COBLL1: variants seen among roughly 807,000 people sequenced by gnomAD.
The protein encoded by COBLL1 is cordon-bleu WH2 repeat protein like 1, also known as cordon-bleu protein-like 1.
Under a neutral mutation model 94.8 loss-of-function variants are expected in COBLL1, and 50 were observed. The ratio of observed to expected loss-of-function variants is 0.53; its 90% CI spans 0.42 to 0.67. The LOEUF is 0.67. Ranked by LOEUF, COBLL1 falls within the 30% of genes least tolerant of loss-of-function variation. COBLL1 has a pLI of 0.00. For missense variants in COBLL1, 1,362 were observed against 1,348.7 expected (o/e 1.01, Z -0.15); for synonymous variants, 448 against 473.8 (o/e 0.95, Z 0.71).
At chr2:164,795,733 C>A (rs933556176) in intron 2 of COBLL1, among the ~76,000 whole-genome samples, 7 of 152,030 alleles carry the variant, frequency 4.6e-5, no homozygotes, top group African/African-American at 1.7e-4. Flanking sequence ...TTAGAGAAAG[C>A]CCTGATAATA....
chr2:164,751,481 C>A (rs573405565), intron 2 of COBLL1, among the ~76,000 whole-genome samples: 1 of 151,078 alleles, frequency 6.6e-6, no homozygotes, highest in Non-Finnish European at 1.5e-5. Context: ...TGAGAGTCAA[C>A]CTGTTCTGTA....
At chr2:164,702,746 A>G (rs150493838) in intron 9 of COBLL1, among the ~76,000 whole-genome samples, 301 of 152,046 alleles carry the variant, frequency 2.0e-3, no homozygotes, top group African/African-American at 7.1e-3. Flanking sequence ...TCAGGGCTCA[A>G]GCAATCTTCC....
Position 164,728,105 on chromosome 2 carries a change from A to G in COBLL1, c.525T>C (p.Ile175=). The G allele has an allele frequency of 6.2e-7, 1 of 1,613,744 alleles. No individual in the cohort carries two copies. Among genetic ancestry groups the G allele is most frequent in the Non-Finnish European group, 8.5e-7 (1 of 1,179,676 alleles). The change falls in exon 5 of 14, where the codon ATT becomes ATC. Residue 175 remains isoleucine (I), a synonymous_variant. Coordinates refer to ENST00000652658, the MANE Select transcript of COBLL1 (RefSeq NM_001365672.2). ...PHASLQELAP[I]ICSKCEFDPL... is the part of the protein sequence containing the mutation. ...GATCAAACTCACATTTGCTACATAT[A>G]ATAGGGGCAAGCTCTTGAAGCGATG...
intron 9 of COBLL1, among the ~76,000 whole-genome samples, chr2:164,701,959 T>A (rs1456126696): frequency 6.6e-6 from 1 of 151,922 alleles, no homozygotes; most frequent in African/African-American, 2.4e-5. Flanking sequence ...ATTCAGAAAA[T>A]TTAATTTAAA....
At chr2:164,686,450 T>C (rs922034355) in intron 13 of COBLL1, among the ~76,000 whole-genome samples, 10 of 152,180 alleles carry the variant, frequency 6.6e-5, no homozygotes, top group Admixed American at 5.2e-4. Context: ...ACTGATGGTA[T>C]AAATTAACGT....
downstream of COBLL1, among the ~76,000 whole-genome samples, chr2:164,678,728 A>G (rs887749904): frequency 3.3e-5 from 5 of 152,190 alleles, no homozygotes; most frequent in Admixed American, 6.5e-5. Context: ...AGCACTTCTG[A>G]AAAAAGGCAA....
chr2:164,739,520 A>T (rs1006281422), intron 3 of COBLL1, among the ~76,000 whole-genome samples: 1 of 152,224 alleles, frequency 6.6e-6, no homozygotes, highest in African/African-American at 2.4e-5. Flanking sequence ...TCAAACATTG[A>T]TAGTATTCTT....
chr2:164,708,447 G>C (rs574998336), intron 7 of COBLL1, among the ~76,000 whole-genome samples: 17 of 152,270 alleles, frequency 1.1e-4, no homozygotes, highest in African/African-American at 3.1e-4. Context: ...GCACCAAGGA[G>C]TTGCCAGTAT....
chr2:164,779,595 T>G, intron 2 of COBLL1: 1 of 462,176 alleles, frequency 2.2e-6, no homozygotes, highest in South Asian at 1.6e-5. Flanking sequence ...ACACAGAGCC[T>G]ATTTCCACAG....
intron 2 of COBLL1, among the ~76,000 whole-genome samples, chr2:164,778,914 C>T (rs1490595786): frequency 6.6e-6 from 1 of 151,922 alleles, no homozygotes; most frequent in East Asian, 2.0e-4. Context: ...GGGGGAAGAC[C>T]AGGAGAAATC....
intron 3 of COBLL1, among the ~76,000 whole-genome samples, chr2:164,731,694 G>A (rs900485698): frequency 2.0e-5 from 3 of 152,136 alleles, no homozygotes; most frequent in Non-Finnish European, 2.9e-5. Context: ...ATCCCACCTC[G>A]AAAGGGAAAT....
chr2:164,751,415 G>A (rs997994766), intron 2 of COBLL1, among the ~76,000 whole-genome samples: 1 of 152,034 alleles, frequency 6.6e-6, no homozygotes, highest in Non-Finnish European at 1.5e-5. Context: ...AAGGAAGGGA[G>A]GGAAGGTCAT....
At chr2:164,737,722 T>C (rs1686382397) in intron 3 of COBLL1, among the ~76,000 whole-genome samples, 1 of 152,150 alleles carries the variant, frequency 6.6e-6, no homozygotes, top group East Asian at 1.9e-4. Context: ...GTTACTCTCG[T>C]TTTTTCAGCA....
chr2:164,731,248 T>C lies in COBLL1; in HGVS notation c.231-1133A>G, dbSNP rs368590974. The stretch of plus-strand genomic sequence containing the variant: ...ATGATAGAAAACGCTTATCAGCTCT[T>C]GTGCTAGAACATAAAATTGAAATAA... On this transcript the variant is annotated intron_variant, in intron 3 of 13. Coordinates refer to ENST00000652658, the MANE Select transcript of COBLL1 (RefSeq NM_001365672.2). Among the ~76,000 whole-genome samples, 11 of 152,314 alleles carry C rather than the reference T, an allele frequency of 7.2e-5. No homozygotes were observed. In the East Asian group the frequency reaches 1.2e-3, roughly 16 times the overall value.
intron 2 of COBLL1, among the ~76,000 whole-genome samples, chr2:164,659,458 A>G (rs939825196): frequency 3.0e-4 from 45 of 152,228 alleles, no homozygotes; most frequent in Non-Finnish European, 1.5e-5. Context: ...GAGTTGCACA[A>G]GTGTGCAGTC....
chr2:164,664,596 T>C (rs188961370), intron 2 of COBLL1, among the ~76,000 whole-genome samples: 9 of 152,242 alleles, frequency 5.9e-5, no homozygotes, highest in South Asian at 2.1e-4. Flanking sequence ...TCCAACATGA[T>C]TAAAATATAT....
chr2:164,804,906 GCCTA>G (rs1357210432), intron 2 of COBLL1, among the ~76,000 whole-genome samples: 1 of 152,028 alleles, frequency 6.6e-6, no homozygotes, highest in Admixed American at 6.6e-5. Flanking sequence ...ACATTCTAGT[GCCTA>G]CCTATGTTTT....
intron 2 of COBLL1, among the ~76,000 whole-genome samples, chr2:164,817,664 C>T (rs1684837404): frequency 6.7e-6 from 1 of 148,816 alleles, no homozygotes; most frequent in South Asian, 2.1e-4. Flanking sequence ...GAACTAATCA[C>T]TGAATGAGTT....
At chr2:164,760,306 C>T (rs189267504) in intron 2 of COBLL1, among the ~76,000 whole-genome samples, 11 of 152,310 alleles carry the variant, frequency 7.2e-5, no homozygotes, top group Non-Finnish European at 1.2e-4. Flanking sequence ...GAGTTACATA[C>T]TGTATGGTTC....
Sources: allele counts gnomAD v4.1 joint callset (sites outside exome capture counted in the v4.1 genomes callset), GRCh38; gene constraint gnomAD v4.1.1; transcripts MANE v1.5; gene names NCBI Gene and HGNC (gene_info 2026-07-23, HGNC 2026-07-21).